Variants in CPA6 observed in about 807,000 individuals in gnomAD.
The protein encoded by CPA6 is carboxypeptidase B.
In CPA6, 58 loss-of-function variants were observed where a neutral mutation model predicts 63.3. The observed-to-expected ratio is 0.92, with a 90% CI of 0.74 to 1.14. The LOEUF is 1.14. CPA6 is among the 50% of genes most tolerant of loss of function. CPA6 has a pLI of 0.00. For missense variants in CPA6, 565 were observed against 526.6 expected (o/e 1.07, Z -0.71); for synonymous variants, 185 against 179.0 (o/e 1.03, Z -0.27).
chr8:67,519,624 C>G, intron 2 of CPA6, among the ~76,000 whole-genome samples: 1 of 152,208 alleles, frequency 6.6e-6, no homozygotes, highest in East Asian at 1.9e-4. Flanking sequence ...GCTGACTCCT[C>G]CACTCGCTTG....
intron 2 of CPA6, among the ~76,000 whole-genome samples, chr8:67,622,435 C>T (rs1334438360): frequency 6.6e-6 from 1 of 152,132 alleles, no homozygotes; most frequent in Non-Finnish European, 1.5e-5. Flanking sequence ...TAGGAAATGC[C>T]CAGTGACCAT....
chr8:67,736,423 C>T (rs1263740089), intron 1 of CPA6, among the ~76,000 whole-genome samples: 3 of 152,192 alleles, frequency 2.0e-5, no homozygotes, highest in Non-Finnish European at 4.4e-5. Context: ...TTCACCACTC[C>T]ACCAAAAGCA....
chr8:67,433,782 CTA>C (rs997090313), intron 9 of CPA6, among the ~76,000 whole-genome samples: 67 of 152,160 alleles, frequency 4.4e-4, no homozygotes, highest in African/African-American at 1.6e-3. Flanking sequence ...TGAATCCTGG[CTA>C]TGAGACTTAG....
At chr8:67,530,371 G>T (rs1812453276) in intron 2 of CPA6, among the ~76,000 whole-genome samples, 1 of 152,076 alleles carries the variant, frequency 6.6e-6, no homozygotes, top group Admixed American at 6.6e-5. Context: ...ATTGAAAGGG[G>T]CTGTTGAGTT....
chr8:67,681,944 G>A (rs1394308695), intron 1 of CPA6, among the ~76,000 whole-genome samples: 1 of 151,458 alleles, frequency 6.6e-6, no homozygotes, highest in African/African-American at 2.4e-5. Context: ...AAGAAAAAAT[G>A]GTTTCTGGTA....
At chr8:67,500,262 G>C (rs1472460062) in intron 6 of CPA6, among the ~76,000 whole-genome samples, 1 of 152,134 alleles carries the variant, frequency 6.6e-6, no homozygotes, top group Non-Finnish European at 1.5e-5. Flanking sequence ...GGTGTGCAGT[G>C]ATAGCTCACT....
chr8:67,675,506 C>T (rs1461501981), intron 1 of CPA6, among the ~76,000 whole-genome samples: 1 of 152,194 alleles, frequency 6.6e-6, no homozygotes, highest in Non-Finnish European at 1.5e-5. Context: ...TTCCACCCCT[C>T]CCCTTGCCCA....
intron 2 of CPA6, among the ~76,000 whole-genome samples, chr8:67,607,169 C>CTTCT (rs1814669445): frequency 3.5e-5 from 1 of 28,374 alleles, no homozygotes; most frequent in Non-Finnish European, 5.9e-5. Flanking sequence ...CTTCTTCTTC[C>CTTCT]TCTTCTTCTT....
chr8:67,448,639 G>GAAAAAAAAAAA (rs61317091), intron 8 of CPA6, among the ~76,000 whole-genome samples: 12 of 23,290 alleles, frequency 5.2e-4, no homozygotes, highest in African/African-American at 2.0e-3. Flanking sequence ...CTCAAAAAAG[G>GAAAAAAAAAAA]AAAAAAAAAA....
intron 1 of CPA6, among the ~76,000 whole-genome samples, chr8:67,703,119 G>A (rs1817059688): frequency 6.6e-6 from 1 of 152,142 alleles, no homozygotes; most frequent in Admixed American, 6.5e-5. Flanking sequence ...TTCCCCAGTG[G>A]TGAGATACCT....
At chr8:67,487,806 C>T (rs553649116) in intron 6 of CPA6, among the ~76,000 whole-genome samples, 1 of 152,296 alleles carries the variant, frequency 6.6e-6, no homozygotes, top group Non-Finnish European at 1.5e-5. Flanking sequence ...CTCTGATGAC[C>T]AGTGATGATG....
At position 67,422,684 on chromosome 8, in the gene CPA6, G is replaced by T; in HGVS notation, c.1134C>A (p.Ser378Arg). Reference sequence around the variant, plus strand: ...AGGCCCAATCCATTGAGCTACCAGAGCTCACATCTAAAAGTTAAAACAAAA... The same window carrying T: ...AGGCCCAATCCATTGAGCTACCAGATCTCACATCTAAAAGTTAAAACAAAA... ...YGPASTTLYV[S>R]SGSSMDWAYK... is the part of the protein sequence containing the mutation. Residue 378 changes from serine (S) to arginine (R), a missense_variant, in exon 11 of 11, where the codon AGC becomes AGA. Physicochemically the swap from Ser to Arg is moderately radical, Grantham distance 110. Coordinates refer to ENST00000297770, the MANE Select transcript of CPA6 (RefSeq NM_020361.5). 1 of 1,604,356 alleles carries T rather than the reference G, an allele frequency of 6.2e-7. No individual in the cohort carries two copies. The highest frequency in any genetic ancestry group is 8.5e-7 in the Non-Finnish European group (1 of 1,176,568).
At chr8:67,537,880 G>A (rs1293896079) in intron 2 of CPA6, among the ~76,000 whole-genome samples, 2 of 152,116 alleles carry the variant, frequency 1.3e-5, no homozygotes, top group East Asian at 1.9e-4. Flanking sequence ...ATTCTAGTAC[G>A]TTGTGTCTTT....
chr8:67,723,171 C>T (rs528737694), intron 1 of CPA6, among the ~76,000 whole-genome samples: 16 of 152,176 alleles, frequency 1.1e-4, no homozygotes, highest in African/African-American at 3.4e-4. Context: ...CTATTGTTCC[C>T]GTACTGATGG....
chr8:67,610,727 T>C (rs562595233), intron 2 of CPA6, among the ~76,000 whole-genome samples: 42 of 152,194 alleles, frequency 2.8e-4, no homozygotes, highest in Non-Finnish European at 5.3e-4. Context: ...TCCAGTGTCC[T>C]TTCTCACTAT....
intron 2 of CPA6, among the ~76,000 whole-genome samples, chr8:67,618,012 A>T (rs935349989): frequency 6.6e-6 from 1 of 152,232 alleles, no homozygotes; most frequent in Non-Finnish European, 1.5e-5. Flanking sequence ...TAAAGGGCTC[A>T]CTTGATTAGA....
intron 8 of CPA6, among the ~76,000 whole-genome samples, chr8:67,435,510 T>C (rs555028594): frequency 2.0e-5 from 3 of 152,216 alleles, no homozygotes; most frequent in Admixed American, 6.5e-5. Context: ...AGACGGCAGG[T>C]GCGGGGAGGC....
At chr8:67,718,430 T>C (rs1817424622) in intron 1 of CPA6, among the ~76,000 whole-genome samples, 1 of 152,172 alleles carries the variant, frequency 6.6e-6, no homozygotes, top group African/African-American at 2.4e-5. Context: ...TGTTGCCTCA[T>C]TCACCTAGGC....
intron 1 of CPA6, among the ~76,000 whole-genome samples, chr8:67,695,013 C>T (rs570262391): frequency 1.3e-5 from 2 of 152,178 alleles, no homozygotes; most frequent in East Asian, 3.9e-4. Context: ...GGATAGACCT[C>T]TCTGAATGGG....
Sources: gnomAD v4.1 joint callset for allele counts (sites outside exome capture counted in the v4.1 genomes callset) on GRCh38, gnomAD v4.1.1 for gene constraint, MANE v1.5 for transcripts, NCBI Gene and HGNC (gene_info 2026-07-23, HGNC 2026-07-21) for gene names.